The following NPSR1 variants were observed in gnomAD, a reference collection of about 807,000 sequenced individuals.
NPSR1 encodes neuropeptide S receptor 1.
In NPSR1, 48 loss-of-function variants were observed where a neutral mutation model predicts 46.9. The observed-to-expected ratio is 1.02, with a 90% confidence interval of 0.81 to 1.30. The LOEUF is 1.30. NPSR1 is among the 50% of genes most tolerant of loss of function. NPSR1 has a pLI of 0.00. For synonymous variants in NPSR1, 176 were observed against 168.1 expected (o/e 1.05, Z -0.36); for missense variants, 450 against 449.5 (o/e 1.00, Z -0.01).
intron 3 of NPSR1, among the ~76,000 whole-genome samples, chr7:34,806,745 G>A (rs1475997407): frequency 6.6e-6 from 1 of 152,128 alleles, no homozygotes; most frequent in African/African-American, 2.4e-5. Context: ...ATATAGATGG[G>A]AGGGAGTCAT....
At chr7:34,866,199 G>C (rs545693801) in intron 8 of NPSR1, among the ~76,000 whole-genome samples, 1 of 151,702 alleles carries the variant, frequency 6.6e-6, no homozygotes, top group African/African-American at 2.4e-5. Context: ...GGTGGATGCC[G>C]ATGGATTGGT....
At chr7:34,799,321 G>C (rs1309304187) in intron 3 of NPSR1, among the ~76,000 whole-genome samples, 1 of 151,732 alleles carries the variant, frequency 6.6e-6, no homozygotes, top group Non-Finnish European at 1.5e-5. Flanking sequence ...ATTCAATACT[G>C]AAAAATCAAT....
chr7:34,778,931 C>T (rs905397762), intron 3 of NPSR1, among the ~76,000 whole-genome samples: 9 of 152,100 alleles, frequency 5.9e-5, no homozygotes, highest in African/African-American at 2.2e-4. Flanking sequence ...CTGGCTACTG[C>T]TCTTTTTTGT....
chr7:34,729,434 A>T (rs1025868850), intron 2 of NPSR1, among the ~76,000 whole-genome samples: 2 of 152,184 alleles, frequency 1.3e-5, no homozygotes, highest in African/African-American at 4.8e-5. Flanking sequence ...ACATACAAAG[A>T]GTCTGTATCT....
At chr7:34,845,441 C>A in intron 7 of NPSR1, 2 of 374,778 alleles carry the variant, frequency 5.3e-6, no homozygotes, top group East Asian at 1.5e-4. Context: ...GTCTTCTGCC[C>A]TTTCCTTTTC....
At chr7:34,737,917 C>T (rs918065273) in intron 2 of NPSR1, among the ~76,000 whole-genome samples, 1 of 152,108 alleles carries the variant, frequency 6.6e-6, no homozygotes, top group Non-Finnish European at 1.5e-5. Flanking sequence ...TTCCTTAGTC[C>T]AACACAGACT....
At chr7:34,812,170 T>C (rs1789017678) in intron 4 of NPSR1, among the ~76,000 whole-genome samples, 1 of 152,170 alleles carries the variant, frequency 6.6e-6, no homozygotes, top group African/African-American at 2.4e-5. Context: ...GATGCTTCCA[T>C]CTTTTTCCTC....
intron 6 of NPSR1, among the ~76,000 whole-genome samples, chr7:34,840,205 A>G (rs777793820): frequency 2.3e-4 from 35 of 152,154 alleles, no homozygotes; most frequent in Non-Finnish European, 4.6e-4. Context: ...ATGCCCAGCT[A>G]ATGGGGAGAG....
rs542712394 is a variant in NPSR1 at position 34,729,326 on chromosome 7, C to G, written c.280+44642C>G. 1.2e-4 allele frequency among the ~76,000 whole-genome samples: 18 copies of G among 152,200 alleles called. No homozygotes were observed. The South Asian group carries it at 3.7e-3, about 32-fold the overall frequency. ...AAAAAAGTCAAAGCATATTCAATCCCAGAGAGGGGTTGAATCCCTGAATTT... is the reference window on the plus strand; with the variant it reads ...AAAAAAGTCAAAGCATATTCAATCCGAGAGAGGGGTTGAATCCCTGAATTT... On this transcript the variant is annotated intron_variant, in intron 2 of 8. Transcript: ENST00000360581.
intron 1 of NPSR1, among the ~76,000 whole-genome samples, chr7:34,682,994 C>T (rs547917710): frequency 1.3e-5 from 2 of 152,264 alleles, no homozygotes; most frequent in South Asian, 4.1e-4. Context: ...TCATCCTCCC[C>T]CCACATCACC....
chr7:34,745,999 A>G (rs769665556), intron 2 of NPSR1, among the ~76,000 whole-genome samples: 2 of 152,244 alleles, frequency 1.3e-5, no homozygotes, highest in Non-Finnish European at 2.9e-5. Context: ...TTATAAAAAT[A>G]GTTTTTGCCT....
At chr7:34,756,867 AG>A in intron 2 of NPSR1, among the ~76,000 whole-genome samples, 1 of 152,338 alleles carries the variant, frequency 6.6e-6, no homozygotes, top group Admixed American at 6.5e-5. Context: ...CCATGCATTC[AG>A]GGCCTCCCTT....
At chr7:34,736,286 T>C (rs1784660076) in intron 2 of NPSR1, among the ~76,000 whole-genome samples, 1 of 152,202 alleles carries the variant, frequency 6.6e-6, no homozygotes, top group African/African-American at 2.4e-5. Flanking sequence ...TAAAGGTATC[T>C]ATTTATGTGT....
chr7:34,743,594 C>T lies in NPSR1; in HGVS notation c.281-34868C>T, dbSNP rs533807782. Among the ~76,000 whole-genome samples, 370 of 152,226 alleles carry T rather than the reference C, an allele frequency of 2.4e-3. 4 individuals are homozygous for T. The highest frequency in any genetic ancestry group is 8.7e-3 in the African/African-American group (360 of 41,532). Reference sequence around the variant, plus strand: ...AGCTGGGATTACAGGCACCCACTACCACGCCTGGCTAATTTTTGTATTTTT... The same window carrying T: ...AGCTGGGATTACAGGCACCCACTACTACGCCTGGCTAATTTTTGTATTTTT... On this transcript the variant is annotated intron_variant, in intron 2 of 8. Coordinates refer to ENST00000360581, the MANE Select transcript of NPSR1 (RefSeq NM_207172.2).
intron 4 of NPSR1, among the ~76,000 whole-genome samples, chr7:34,820,671 A>G (rs1205535323): frequency 6.6e-6 from 1 of 152,168 alleles, no homozygotes; most frequent in Non-Finnish European, 1.5e-5. Context: ...ACCTTCAATC[A>G]AACACATTTA....
intron 2 of NPSR1, among the ~76,000 whole-genome samples, chr7:34,732,039 C>T (rs967033828): frequency 6.2e-5 from 9 of 145,090 alleles, no homozygotes; most frequent in African/African-American, 2.3e-4. Context: ...AGCCAGGCTC[C>T]ACGGCATTCC....
chr7:34,848,571 C>G lies in NPSR1; in HGVS notation c.933C>G (p.Ala311=). 1.9e-6 allele frequency: 3 copies of G among 1,614,126 alleles called. No individual in the cohort carries two copies. The highest frequency in any genetic ancestry group is 2.5e-6 in the Non-Finnish European group (3 of 1,179,974). ...CAGACACCCAGGAGCGTTTCTATGC[C>G]TCTGTGATCATTCAGAACCTGCCAG... ...LLPDTQERFY[A]SVIIQNLPAL... is the part of the protein sequence containing the mutation. The change falls in exon 8 of 9, where the codon GCC becomes GCG. Residue 311 remains alanine (A), a synonymous_variant. Transcript: ENST00000360581.
chr7:34,752,102 C>A (rs1785569999), intron 2 of NPSR1: 1 of 551,694 alleles, frequency 1.8e-6, no homozygotes, highest in East Asian at 3.3e-5. Flanking sequence ...GAAATTATTG[C>A]CAGACCAACT....
intron 8 of NPSR1, among the ~76,000 whole-genome samples, chr7:34,876,673 G>A (rs1791582299): frequency 1.3e-5 from 2 of 152,146 alleles, no homozygotes; most frequent in African/African-American, 4.8e-5. Context: ...AATGGCTTCT[G>A]TTTCAAAAGA....
Sources: gnomAD v4.1 joint callset for allele counts (sites outside exome capture counted in the v4.1 genomes callset) on GRCh38, gnomAD v4.1.1 for gene constraint, MANE v1.5 for transcripts, NCBI Gene and HGNC (gene_info 2026-07-23, HGNC 2026-07-21) for gene names.